XRN2: variants seen among roughly 807,000 people sequenced by gnomAD.
XRN2 encodes the protein DHM1-like protein.
In XRN2, 44 loss-of-function variants were observed where a neutral mutation model predicts 138.5. The observed-to-expected ratio is 0.32, with a 90% confidence interval of 0.25 to 0.41. The LOEUF (loss-of-function observed/expected upper bound fraction) is 0.41, where lower values mean the gene tolerates loss of function less well. XRN2 is among the 10% of genes least tolerant of loss of function. The pLI is 1.00. For synonymous variants in XRN2, 354 were observed against 369.4 expected (o/e 0.96, Z 0.48); for missense variants, 937 against 1,169.3 (o/e 0.80, Z 2.90).
chr20:21,350,557 A>G (rs2038496746), intron 20 of XRN2, among the ~76,000 whole-genome samples: 1 of 150,320 alleles, frequency 6.7e-6, no homozygotes, highest in Admixed American at 6.6e-5. Context: ...AAAAAAAGAA[A>G]TATCTCTTAC....
chr20:21,342,592 T>A (rs2038386215), intron 15 of XRN2, among the ~76,000 whole-genome samples: 1 of 152,252 alleles, frequency 6.6e-6, no homozygotes, highest in African/African-American at 2.4e-5. Flanking sequence ...AATGGGAATG[T>A]CACTCTCATA....
chr20:21,316,310 G>A (rs1340781914), intron 1 of XRN2, among the ~76,000 whole-genome samples: 1 of 152,202 alleles, frequency 6.6e-6, no homozygotes, highest in Non-Finnish European at 1.5e-5. Context: ...CAGTTCATCT[G>A]CTTTTTTCTT....
At chr20:21,330,414 T>G in intron 4 of XRN2, 67 bp from the exon 5 acceptor site, 1 of 1,537,660 alleles carries the variant, frequency 6.5e-7, no homozygotes. Flanking sequence ...TTTGTTGTTC[T>G]GGCTTAATGT....
At chr20:21,342,209 T>C (rs1021700911) in intron 15 of XRN2, among the ~76,000 whole-genome samples, 1 of 152,218 alleles carries the variant, frequency 6.6e-6, no homozygotes, top group Non-Finnish European at 1.5e-5. Context: ...TCGTGTTTTA[T>C]TTTTCTGAGC....
At chr20:21,332,033 C>T (rs2038217557) in intron 8 of XRN2, among the ~76,000 whole-genome samples, 1 of 152,168 alleles carries the variant, frequency 6.6e-6, no homozygotes, top group African/African-American at 2.4e-5. Flanking sequence ...AACCTTTTAA[C>T]TCCCCATACC....
Position 21,347,684 on chromosome 20 carries a change from G to A in XRN2, c.1666-462G>A, listed in dbSNP as rs576347637. On this transcript the variant is annotated intron_variant, in intron 17 of 29. Coordinates refer to ENST00000377191, the MANE Select transcript of XRN2 (RefSeq NM_012255.5). ...AAACTTGTCAGGTGAAAATATAATG[G>A]TGAATTTTAAAATGAAACTCATGGC... Among the ~76,000 whole-genome samples the A allele has an allele frequency of 5.9e-5, 9 of 152,282 alleles. No homozygotes were observed. The South Asian group carries it at 1.9e-3, about 32-fold the overall frequency.
chr20:21,346,621 G>C, intron 17 of XRN2, 71 bp downstream of exon 17: 1 of 1,559,402 alleles, frequency 6.4e-7, no homozygotes. Flanking sequence ...CTTTTTTTTT[G>C]TTTGTTTTTT....
intron 16 of XRN2, among the ~76,000 whole-genome samples, chr20:21,345,969 G>A (rs1174658625): frequency 6.6e-6 from 1 of 152,098 alleles, no homozygotes; most frequent in Non-Finnish European, 1.5e-5. Context: ...AGTTACCTGT[G>A]TGCGTCTTAA....
chr20:21,314,670 G>A (rs1269994030), intron 1 of XRN2, among the ~76,000 whole-genome samples: 1 of 151,050 alleles, frequency 6.6e-6, no homozygotes, highest in Admixed American at 6.6e-5. Context: ...TTTTTTTTAA[G>A]AGATGGGGTT....
intron 24 of XRN2, 52 bp downstream of exon 24, chr20:21,357,844 C>G: frequency 6.8e-7 from 1 of 1,476,118 alleles, no homozygotes; most frequent in Non-Finnish European, 9.2e-7. Context: ...TCTGAACTTG[C>G]AAATCCATTT....
At chr20:21,385,803 G>A (rs187951665) in intron 28 of XRN2, among the ~76,000 whole-genome samples, 3 of 152,314 alleles carry the variant, frequency 2.0e-5, no homozygotes, top group Non-Finnish European at 2.9e-5. Flanking sequence ...GACCTCGGAA[G>A]TGAAATTCTT....
intron 19 of XRN2, among the ~76,000 whole-genome samples, chr20:21,348,935 G>T (rs1296463906): frequency 6.6e-6 from 1 of 152,140 alleles, no homozygotes; most frequent in Non-Finnish European, 1.5e-5. Context: ...GAGCCACCGT[G>T]CCTGGCCGGG....
At chr20:21,379,508 GTT>G (rs2038860102) in intron 27 of XRN2, among the ~76,000 whole-genome samples, 1 of 152,136 alleles carries the variant, frequency 6.6e-6, no homozygotes, top group African/African-American at 2.4e-5. Context: ...TTTATTGAAA[GTT>G]TTGGAAAATT....
chr20:21,366,276 G>A (rs2038701863), intron 26 of XRN2, among the ~76,000 whole-genome samples: 1 of 142,090 alleles, frequency 7.0e-6, no homozygotes. Flanking sequence ...GGCCGGGCAC[G>A]GTGGCTCGCT....
At chr20:21,361,992 T>C (rs1181124954) in intron 24 of XRN2, among the ~76,000 whole-genome samples, 1 of 152,226 alleles carries the variant, frequency 6.6e-6, no homozygotes, top group Non-Finnish European at 1.5e-5. Flanking sequence ...ATTAATACTT[T>C]GGTATCATAA....
intron 14 of XRN2, 51 bp downstream of exon 14, chr20:21,339,139 T>G (rs1487446149): frequency 5.8e-6 from 9 of 1,542,846 alleles, no homozygotes; most frequent in Non-Finnish European, 8.0e-6. Flanking sequence ...TTTTACAATT[T>G]ATGAGGAAGA....
intron 1 of XRN2, among the ~76,000 whole-genome samples, chr20:21,319,448 T>G (rs2038007705): frequency 6.6e-6 from 1 of 152,164 alleles, no homozygotes; most frequent in Admixed American, 6.5e-5. Context: ...TTTTCTCTAT[T>G]TCTCCTTTGT....
rs2038248619 is a variant in XRN2 at position 21,333,789 on chromosome 20, T to G, written c.1019T>G (p.Phe340Cys). ...ATTGATGACTGGGTTTTCATGTGCT[T>G]CTTTGTGGGAAATGACTTCCTCCCT... is the stretch of plus-strand genomic sequence containing the variant. ...RSIDDWVFMC[F>C]FVGNDFLPHL... The change falls in exon 11 of 30, where the codon TTC becomes TGC. Residue 340 changes from phenylalanine (F) to cysteine (C), a missense_variant. Physicochemically the swap from Phe to Cys is radical, Grantham distance 205. Transcript: ENST00000377191. The G allele has an allele frequency of 6.2e-7, 1 of 1,614,144 alleles. No individual in the cohort carries two copies. The highest frequency in any genetic ancestry group is 8.5e-7 in the Non-Finnish European group (1 of 1,180,010).
intron 18 of XRN2, 25 bp downstream of exon 18, chr20:21,348,278 A>G (rs758328538): frequency 6.2e-7 from 1 of 1,611,832 alleles, no homozygotes; most frequent in Admixed American, 1.7e-5. Context: ...TTAAAGTCAT[A>G]AAGTTTATAG....
Sources: allele counts gnomAD v4.1 joint callset (sites outside exome capture counted in the v4.1 genomes callset), GRCh38; gene constraint gnomAD v4.1.1; transcripts MANE v1.5; gene names NCBI Gene and HGNC (gene_info 2026-07-23, HGNC 2026-07-21).